Variants in FSTL4 observed in about 807,000 individuals in gnomAD.
FSTL4 encodes follistatin-related protein 4.
A neutral mutation model predicts 78.2 loss-of-function variants in FSTL4; 28 were observed. The ratio of observed to expected loss-of-function variants is 0.36; its 90% CI spans 0.27 to 0.49. FSTL4 has a LOEUF of 0.49. Ranked by LOEUF, FSTL4 falls within the 20% of genes least tolerant of loss-of-function variation. The pLI is 0.98. For missense variants in FSTL4, 922 were observed against 1,084.9 expected (o/e 0.85, Z 2.11); for synonymous variants, 422 against 440.5 (o/e 0.96, Z 0.53).
In FSTL4 at chr5:133,210,318, A is replaced by C; in HGVS notation, c.1609-20T>G. On this transcript the variant is annotated intron_variant, in intron 13 of 15. Transcript: ENST00000265342. ...TATGGACTTGAAAAAAAATAGTGAC[A>C]TGTTGTGAAAGCTGACATGATGGTC... is the stretch of plus-strand genomic sequence containing the variant. 2 of 1,362,916 alleles carry C rather than the reference A, an allele frequency of 1.5e-6. No homozygotes were observed. The highest frequency in any genetic ancestry group is 1.2e-5 in the South Asian group (1 of 85,762). 84.4% of individuals were successfully genotyped at this position (1,362,916 alleles called of 1,614,324 possible). A position where few individuals can be genotyped will look rare whatever the true frequency, so the allele number is the denominator to read the frequency against.
the FSTL4 span, among the ~76,000 whole-genome samples, chr5:133,696,601 C>T: frequency 6.6e-6 from 1 of 152,246 alleles, no homozygotes; most frequent in Non-Finnish European, 1.5e-5. Flanking sequence ...ACTTCTCTGA[C>T]ATGTGGCTGG....
chr5:133,508,856 G>A (rs1758667132), intron 3 of FSTL4, among the ~76,000 whole-genome samples: 1 of 152,142 alleles, frequency 6.6e-6, no homozygotes, highest in Non-Finnish European at 1.5e-5. Flanking sequence ...TATTTTACAT[G>A]CTCCTTAGAG....
intron 3 of FSTL4, among the ~76,000 whole-genome samples, chr5:133,451,197 T>C (rs1458760436): frequency 2.0e-5 from 3 of 152,192 alleles, no homozygotes; most frequent in Non-Finnish European, 4.4e-5. Flanking sequence ...TCCACCTGCA[T>C]TGGCTGAGGG....
At position 133,199,452 on chromosome 5, in the gene FSTL4, G is replaced by A; in HGVS notation, c.2172C>T (p.Thr724=). 1 of 1,614,180 alleles carries A rather than the reference G, an allele frequency of 6.2e-7. No homozygotes were observed. The highest frequency in any genetic ancestry group is 8.5e-7 in the Non-Finnish European group (1 of 1,180,010). ...QEITVRGEIQ[T]LYDLQINSGI... is the part of the protein sequence containing the mutation. ...CCGAGTTTATTTGCAGGTCATACAGGGTCTGGATCTCGCCCCGCACTGTGA... is the reference window on the plus strand; with the variant it reads ...CCGAGTTTATTTGCAGGTCATACAGAGTCTGGATCTCGCCCCGCACTGTGA... The change falls in exon 16 of 16, where the codon ACC becomes ACT. Residue 724 remains threonine (T), a synonymous_variant. Transcript: ENST00000265342. The surrounding 1 kb of genome is among the most constrained non-coding windows in gnomAD (Gnocchi z 4.4).
chr5:133,816,029 G>C, the FSTL4 span, among the ~76,000 whole-genome samples: 2 of 152,220 alleles, frequency 1.3e-5, no homozygotes, highest in African/African-American at 4.8e-5. Flanking sequence ...GAAGGATAGA[G>C]TTAAGCGGGC....
chr5:133,802,505 C>T, the FSTL4 span, among the ~76,000 whole-genome samples: 19,545 of 152,220 alleles, frequency 0.13, 1,517 homozygotes, highest in South Asian at 0.21. Context: ...GTCCAGCCGC[C>T]GTCATCCCCA....
intron 4 of FSTL4, among the ~76,000 whole-genome samples, chr5:133,376,915 C>T (rs1219288937): frequency 6.7e-6 from 1 of 150,022 alleles, no homozygotes; most frequent in Non-Finnish European, 1.5e-5. Context: ...AGAAAATCTA[C>T]TAAATTCAGT....
At chr5:133,642,064 A>T in the FSTL4 span, among the ~76,000 whole-genome samples, 1 of 152,108 alleles carries the variant, frequency 6.6e-6, no homozygotes, top group African/African-American at 2.4e-5. Context: ...TCACACTTCC[A>T]GGCTTCCTTT....
At chr5:133,466,323 A>G (rs934296384) in intron 3 of FSTL4, among the ~76,000 whole-genome samples, 8 of 152,274 alleles carry the variant, frequency 5.3e-5, no homozygotes, top group African/African-American at 1.9e-4. Flanking sequence ...CGGGCAGATC[A>G]TGGGGTCAGG....
the FSTL4 span, among the ~76,000 whole-genome samples, chr5:133,660,227 A>C: frequency 6.6e-6 from 1 of 152,232 alleles, no homozygotes; most frequent in Non-Finnish European, 1.5e-5. Flanking sequence ...CAAAGCAGTG[A>C]AGAAGGAGAC....
the FSTL4 span, among the ~76,000 whole-genome samples, chr5:133,749,031 G>T: frequency 1.3e-5 from 2 of 152,204 alleles, no homozygotes; most frequent in African/African-American, 4.8e-5. Flanking sequence ...CCTCGGGCAG[G>T]AGGACATGCA....
At chr5:133,367,657 G>A (rs1198910795) in intron 4 of FSTL4, among the ~76,000 whole-genome samples, 5 of 152,178 alleles carry the variant, frequency 3.3e-5, no homozygotes, top group East Asian at 1.9e-4. Context: ...TGGCTCTCCC[G>A]CACCTCAAGG....
At chr5:133,390,076 C>T (rs2126960282) in intron 4 of FSTL4, among the ~76,000 whole-genome samples, 1 of 152,290 alleles carries the variant, frequency 6.6e-6, no homozygotes, top group Non-Finnish European at 1.5e-5. Flanking sequence ...TGAACACAAG[C>T]AGTGGAAGAG....
chr5:133,235,234 C>G (rs1368588488), intron 7 of FSTL4, among the ~76,000 whole-genome samples: 1 of 152,176 alleles, frequency 6.6e-6, no homozygotes, highest in African/African-American at 2.4e-5. Flanking sequence ...AATCCCAACA[C>G]TTTGGGAGGC....
At chr5:133,297,336 G>A (rs1186884964) in intron 6 of FSTL4, among the ~76,000 whole-genome samples, 1 of 152,138 alleles carries the variant, frequency 6.6e-6, no homozygotes, top group African/African-American at 2.4e-5. Context: ...AGGGTTCCAG[G>A]GGCAGAGGAG....
chr5:133,468,867 A>G (rs1757763908), intron 3 of FSTL4, among the ~76,000 whole-genome samples: 1 of 152,186 alleles, frequency 6.6e-6, no homozygotes, highest in African/African-American at 2.4e-5. Context: ...ACGTTACACA[A>G]TAACACACAC....
intron 6 of FSTL4, among the ~76,000 whole-genome samples, chr5:133,265,093 G>A (rs1235384790): frequency 6.6e-6 from 1 of 152,052 alleles, no homozygotes; most frequent in Non-Finnish European, 1.5e-5. Flanking sequence ...GCAGGAGGTG[G>A]CCTCTTCCCT....
chr5:133,785,407 T>C, the FSTL4 span, among the ~76,000 whole-genome samples: 1 of 152,196 alleles, frequency 6.6e-6, no homozygotes, highest in Non-Finnish European at 1.5e-5. Flanking sequence ...TCACCTTTAC[T>C]GCCCCCATCA....
intron 14 of FSTL4, among the ~76,000 whole-genome samples, chr5:133,208,584 C>A (rs2126769040): frequency 6.6e-6 from 1 of 152,318 alleles, no homozygotes; most frequent in South Asian, 2.1e-4. Context: ...CACGGCTCAA[C>A]CTCTTCATGG....
Sources: allele counts gnomAD v4.1 joint callset (sites outside exome capture counted in the v4.1 genomes callset), GRCh38; gene constraint gnomAD v4.1.1; non-coding constraint Gnocchi (gnomAD v3.1); transcripts MANE v1.5; gene names NCBI Gene and HGNC (gene_info 2026-07-23, HGNC 2026-07-21).